The following CCDC178 variants were observed in gnomAD, a reference collection of about 807,000 sequenced individuals.
CCDC178 encodes coiled-coil domain-containing protein 178.
CCDC178 carries 126 observed loss-of-function variants against 117.4 expected under a neutral mutation model. That is an observed-to-expected ratio of 1.07 (90% CI 0.93 to 1.24). The LOEUF (loss-of-function observed/expected upper bound fraction) is 1.24, where lower values mean the gene tolerates loss of function less well. Among genes scored for constraint, CCDC178 ranks in the 50% most tolerant of loss-of-function variants. CCDC178 has a pLI of 0.00. For missense variants in CCDC178, 1,030 were observed against 986.9 expected (o/e 1.04, Z -0.59); for synonymous variants, 283 against 313.4 (o/e 0.90, Z 1.02).
At chr18:33,385,418 A>G (rs565663396) in intron 5 of CCDC178, among the ~76,000 whole-genome samples, 1 of 152,304 alleles carries the variant, frequency 6.6e-6, no homozygotes, top group East Asian at 1.9e-4. Flanking sequence ...AATTTTTCTC[A>G]GGGTCACATG....
chr18:33,232,219 G>C (rs1179556796), intron 15 of CCDC178, among the ~76,000 whole-genome samples: 1 of 152,134 alleles, frequency 6.6e-6, no homozygotes, highest in African/African-American at 2.4e-5. Context: ...ACCAGAAGGT[G>C]GCAGCAGAGA....
At chr18:33,404,107 G>A (rs2063747996) in intron 3 of CCDC178, among the ~76,000 whole-genome samples, 1 of 152,016 alleles carries the variant, frequency 6.6e-6, no homozygotes, top group Non-Finnish European at 1.5e-5. Context: ...TAAACCTAAG[G>A]TGAAAAGAAA....
chr18:33,356,107 G>C (rs917409807), intron 7 of CCDC178, among the ~76,000 whole-genome samples: 2 of 152,100 alleles, frequency 1.3e-5, no homozygotes, highest in African/African-American at 4.8e-5. Context: ...AAATTTTATA[G>C]TTGTTTTTGT....
intron 11 of CCDC178, among the ~76,000 whole-genome samples, chr18:33,305,030 T>G (rs961317911): frequency 6.6e-6 from 1 of 152,204 alleles, no homozygotes; most frequent in African/African-American, 2.4e-5. Flanking sequence ...TCTGCACTGC[T>G]TGACACTCAC....
chr18:32,943,492 A>C (rs960719427), intron 22 of CCDC178, among the ~76,000 whole-genome samples: 1 of 152,150 alleles, frequency 6.6e-6, no homozygotes, highest in Middle Eastern at 3.4e-3. Flanking sequence ...CCTTTCCTTA[A>C]ATTATTCTTA....
At chr18:33,110,008 A>T (rs1313775589) in intron 20 of CCDC178, among the ~76,000 whole-genome samples, 1 of 142,744 alleles carries the variant, frequency 7.0e-6, no homozygotes, top group Non-Finnish European at 1.6e-5. Flanking sequence ...GCCAACATTT[A>T]AAAAAAGACT....
chr18:32,950,803 A>G (rs1350593678), intron 22 of CCDC178, among the ~76,000 whole-genome samples: 1 of 152,230 alleles, frequency 6.6e-6, no homozygotes. Context: ...GCATATTAAA[A>G]GGTAAAAAAT....
chr18:33,193,942 T>C (rs28580795), intron 20 of CCDC178, among the ~76,000 whole-genome samples: 10,194 of 152,184 alleles, frequency 0.067, 594 homozygotes, highest in African/African-American at 0.15. Context: ...TGTGTCTGCA[T>C]CATCACATGG....
chr18:33,071,022 C>G (rs934541540), intron 21 of CCDC178, among the ~76,000 whole-genome samples: 3 of 152,008 alleles, frequency 2.0e-5, no homozygotes, highest in African/African-American at 7.2e-5. Context: ...AGAAAATAAA[C>G]AGCTCTGCTA....
intron 1 of CCDC178, 135 bp from the exon 2 acceptor site, chr18:33,440,216 A>C (rs2064359243): frequency 6.6e-6 from 1 of 151,076 alleles, no homozygotes; most frequent in South Asian, 2.1e-4. Flanking sequence ...CTAGAGACGC[A>C]GTTACAGACA....
At chr18:33,352,155 T>C (rs948359866) in intron 7 of CCDC178, among the ~76,000 whole-genome samples, 5 of 152,176 alleles carry the variant, frequency 3.3e-5, no homozygotes, top group African/African-American at 1.2e-4. Flanking sequence ...TTTAGTAGTT[T>C]ATGTGTTTTT....
intron 20 of CCDC178, among the ~76,000 whole-genome samples, chr18:33,159,571 T>C (rs1484010562): frequency 6.6e-6 from 1 of 152,124 alleles, no homozygotes; most frequent in Non-Finnish European, 1.5e-5. Context: ...TTTCCTTCTG[T>C]TGTCAAATCT....
At chr18:33,101,164 A>T (rs897316515) in intron 20 of CCDC178, among the ~76,000 whole-genome samples, 5 of 151,676 alleles carry the variant, frequency 3.3e-5, no homozygotes, top group Non-Finnish European at 5.9e-5. Flanking sequence ...TCTGATATCA[A>T]GAGTGTTAGA....
chr18:33,392,808 G>C (rs2144832366), intron 4 of CCDC178, among the ~76,000 whole-genome samples: 1 of 152,138 alleles, frequency 6.6e-6, no homozygotes, highest in African/African-American at 2.4e-5. Flanking sequence ...GCTGCAGTGA[G>C]CCATGACTCC....
rs749175669 is a variant in CCDC178, at chr18:33,333,164, G to A, written c.879+10C>T. The A allele has an allele frequency of 1.9e-5, 29 of 1,515,500 alleles. No individual in the cohort carries two copies. Among genetic ancestry groups the A allele is most frequent in the Admixed American group, 5.5e-5 (3 of 54,578 alleles). 93.9% of individuals were successfully genotyped at this position (1,515,500 alleles called of 1,614,324 possible). A position where few individuals can be genotyped will look rare whatever the true frequency, so the allele number is the denominator to read the frequency against. On this transcript the variant is annotated intron_variant, in intron 10 of 22. Coordinates refer to ENST00000383096, the MANE Select transcript of CCDC178 (RefSeq NM_001105528.4). ...TAATTTATGAAATGCTCATGCATTC[G>A]TTTATTTACCTCCATTTTTTTTTTA...
At chr18:33,129,964 T>C (rs2058051006) in intron 20 of CCDC178, among the ~76,000 whole-genome samples, 1 of 152,014 alleles carries the variant, frequency 6.6e-6, no homozygotes, top group Non-Finnish European at 1.5e-5. Context: ...TAAAATATTT[T>C]AGCTATTTGC....
rs377569860 is a variant in CCDC178, at chr18:33,293,543, T to A, written c.1023-231A>T. ...AGCCGAGCATGGTGGCACATGCCTG[T>A]AGTCCCATCTACTTAGTAGGCGGAG... On this transcript the variant is annotated intron_variant, in intron 11 of 22. Coordinates refer to ENST00000383096, the MANE Select transcript of CCDC178 (RefSeq NM_001105528.4). Among the ~76,000 whole-genome samples, 7 of 152,036 alleles carry A rather than the reference T, an allele frequency of 4.6e-5. No individual in the cohort carries two copies. The East Asian group carries it at 1.2e-3, about 25-fold the overall frequency.
At chr18:33,196,839 G>A (rs761578912) in intron 20 of CCDC178, among the ~76,000 whole-genome samples, 5 of 152,060 alleles carry the variant, frequency 3.3e-5, no homozygotes, top group Non-Finnish European at 7.4e-5. Flanking sequence ...GGAGTTTTTT[G>A]TTGTTGTTCT....
intron 3 of CCDC178, among the ~76,000 whole-genome samples, chr18:33,408,541 A>G (rs989682683): frequency 6.6e-6 from 1 of 151,984 alleles, no homozygotes; most frequent in African/African-American, 2.4e-5. Context: ...TATAAAATTA[A>G]ATGAGATTTG....
Sources: allele counts gnomAD v4.1 joint callset (sites outside exome capture counted in the v4.1 genomes callset), GRCh38; gene constraint gnomAD v4.1.1; transcripts MANE v1.5; gene names NCBI Gene and HGNC (gene_info 2026-07-23, HGNC 2026-07-21).